NTN1: variants seen among roughly 807,000 people sequenced by gnomAD.
NTN1 encodes netrin-1.
NTN1 carries 11 observed loss-of-function variants against 54.2 expected under a neutral mutation model. That is an observed-to-expected ratio of 0.20 (90% CI 0.13 to 0.34). NTN1 has a LOEUF of 0.34. Among genes scored for constraint, NTN1 ranks in the 10% least tolerant of loss-of-function variants. NTN1 has a pLI of 1.00. For synonymous variants in NTN1, 371 were observed against 382.0 expected, an observed-to-expected ratio of 0.97 and a Z score of 0.33; for missense variants, 740 against 893.1, an observed-to-expected ratio of 0.83 and a Z score of 2.18.
the NTN1 span, among the ~76,000 whole-genome samples, chr17:9,012,536 C>CAA: frequency 0.23 from 30,185 of 132,276 alleles, 3,248 homozygotes; most frequent in East Asian, 0.52. Context: ...AAAAACAAAA[C>CAA]AAAAAAAAAA....
chr17:9,187,485 C>T (rs1273450391), intron 5 of NTN1, among the ~76,000 whole-genome samples: 1 of 152,072 alleles, frequency 6.6e-6, no homozygotes, highest in African/African-American at 2.4e-5. Flanking sequence ...CAGAATGTGG[C>T]ATATCTATAC....
At chr17:9,043,160 TA>T (rs1459283752) in intron 2 of NTN1, among the ~76,000 whole-genome samples, 7 of 152,236 alleles carry the variant, frequency 4.6e-5, no homozygotes, top group Non-Finnish European at 1.0e-4. Context: ...AAATATTTTT[TA>T]ATGTTCATAT....
intron 2 of NTN1, among the ~76,000 whole-genome samples, chr17:9,050,784 A>G (rs1053934709): frequency 6.6e-6 from 1 of 151,738 alleles, no homozygotes; most frequent in Non-Finnish European, 1.5e-5. Flanking sequence ...GACCATGTCT[A>G]TGTCCTAGGA....
chr17:9,218,946 G>A (rs1905271103), intron 5 of NTN1, among the ~76,000 whole-genome samples: 1 of 151,432 alleles, frequency 6.6e-6, no homozygotes, highest in Admixed American at 6.6e-5. Flanking sequence ...GAGGAGAGTG[G>A]ATTGAAGGCC....
chr17:9,127,285 G>A (rs927808042), intron 2 of NTN1, among the ~76,000 whole-genome samples: 1 of 152,120 alleles, frequency 6.6e-6, no homozygotes, highest in Admixed American at 6.5e-5. Flanking sequence ...GAGGAGAGGT[G>A]GTGGTGAGAA....
chr17:9,102,140 T>C (rs1165302985), intron 2 of NTN1, among the ~76,000 whole-genome samples: 1 of 152,236 alleles, frequency 6.6e-6, no homozygotes, highest in Admixed American at 6.5e-5. Flanking sequence ...GATAAAATAC[T>C]CTGCTGGCAG....
intron 3 of NTN1, among the ~76,000 whole-genome samples, chr17:9,166,539 A>G (rs1438144206): frequency 6.6e-6 from 1 of 152,020 alleles, no homozygotes; most frequent in Non-Finnish European, 1.5e-5. Context: ...ATGGGGTTTC[A>G]TCATGTTGGC....
intron 2 of NTN1, among the ~76,000 whole-genome samples, chr17:9,128,119 A>AAAATAAATAAAT (rs57255280): frequency 1.1e-4 from 17 of 149,610 alleles, no homozygotes; most frequent in African/African-American, 3.7e-4. Context: ...TCCGTCTCGA[A>AAAATAAATAAAT]AAATAAATAA....
At chr17:9,084,432 A>C (rs963530766) in intron 2 of NTN1, among the ~76,000 whole-genome samples, 7 of 152,160 alleles carry the variant, frequency 4.6e-5, no homozygotes, top group African/African-American at 1.7e-4. Context: ...CAGTGTAGAA[A>C]CAGCCACTAG....
intron 3 of NTN1, among the ~76,000 whole-genome samples, chr17:9,167,088 G>A (rs1441411050): frequency 2.0e-5 from 3 of 152,180 alleles, no homozygotes; most frequent in African/African-American, 4.8e-5. Flanking sequence ...AAACATACCC[G>A]GGGAACAGGC....
intron 6 of NTN1, among the ~76,000 whole-genome samples, chr17:9,231,295 C>CGG (rs35777481): frequency 0.26 from 37,332 of 145,380 alleles, 4,844 homozygotes; most frequent in Non-Finnish European, 0.31. Flanking sequence ...ATGGGGTACC[C>CGG]GGGGGGGGAC....
chr17:9,132,880 A>G (rs1378481544), intron 2 of NTN1, among the ~76,000 whole-genome samples: 3 of 152,192 alleles, frequency 2.0e-5, no homozygotes, highest in African/African-American at 7.2e-5. Context: ...GTTTCAAAAA[A>G]GAAAAAGAAT....
At chr17:9,145,741 AC>A (rs1597505133) in intron 2 of NTN1, among the ~76,000 whole-genome samples, 1 of 151,968 alleles carries the variant, frequency 6.6e-6, no homozygotes, top group African/African-American at 2.4e-5. Flanking sequence ...ACATGGCAAA[AC>A]CCTGTCTCTA....
intron 6 of NTN1, among the ~76,000 whole-genome samples, chr17:9,226,162 C>A (rs77373604): frequency 8.6e-6 from 1 of 116,454 alleles, no homozygotes; most frequent in African/African-American, 3.2e-5. Context: ...GATTTGGGGT[C>A]GGGGGGGGGC....
At position 9,239,760 on chromosome 17, in the gene NTN1, G is replaced by T; in HGVS notation, c.1607G>T (p.Trp536Leu). 6.2e-7 allele frequency: 1 copy of T among 1,613,834 alleles called. No homozygotes were observed. The highest frequency in any genetic ancestry group is 8.5e-7 in the Non-Finnish European group (1 of 1,180,032). ...ATCCGCCGCGGTGACCAGAGCCTGT[G>T]GATCCGCTCGCGGGACATCGCCTGC... ...SRIRRGDQSL[W>L]IRSRDIACKC... is the part of the protein sequence containing the mutation. Residue 536 changes from tryptophan to leucine, a missense_variant, in exon 7 of 7, where the codon TGG becomes TTG. By Grantham distance (61) the Trp-to-Leu change is moderately conservative. Transcript: ENST00000173229. This position sits in a 1 kb window ranked among gnomAD's most constrained non-coding sequence, Gnocchi z 5.2.
intron 5 of NTN1, among the ~76,000 whole-genome samples, chr17:9,208,284 TATC>T (rs1210047870): frequency 6.6e-6 from 1 of 152,090 alleles, no homozygotes; most frequent in East Asian, 1.9e-4. Flanking sequence ...GTCTCAGGGG[TATC>T]ATCAGAATAA....
intron 5 of NTN1, among the ~76,000 whole-genome samples, chr17:9,187,654 C>CAAAAAAAAAA (rs763852001): frequency 1.9e-5 from 1 of 52,904 alleles, no homozygotes; most frequent in Non-Finnish European, 3.2e-5. Context: ...CTCATCTCTC[C>CAAAAAAAAAA]AAAAAAAAAA....
At chr17:9,075,223 G>C (rs2092045391) in intron 2 of NTN1, among the ~76,000 whole-genome samples, 1 of 152,232 alleles carries the variant, frequency 6.6e-6, no homozygotes, top group African/African-American at 2.4e-5. Flanking sequence ...GCTCACGCCT[G>C]TAATCCCAGC....
intron 2 of NTN1, among the ~76,000 whole-genome samples, chr17:9,151,725 C>G (rs2092328086): frequency 6.6e-6 from 1 of 152,198 alleles, no homozygotes; most frequent in Non-Finnish European, 1.5e-5. Context: ...CTAAGGCTGA[C>G]CACGGAGGGT....
Sources: allele counts gnomAD v4.1 joint callset (sites outside exome capture counted in the v4.1 genomes callset), GRCh38; gene constraint gnomAD v4.1.1; non-coding constraint Gnocchi (gnomAD v3.1); transcripts MANE v1.5; gene names NCBI Gene and HGNC (gene_info 2026-07-23, HGNC 2026-07-21).